The following NPSR1 variants were observed in gnomAD, a reference collection of about 807,000 sequenced individuals.
NPSR1 encodes the protein neuropeptide S receptor.
A neutral mutation model predicts 46.9 loss-of-function variants in NPSR1; 48 were observed. The observed-to-expected ratio is 1.02, with a 90% confidence interval of 0.81 to 1.30. The LOEUF is 1.30. Ranked by LOEUF, NPSR1 falls within the 50% of genes most tolerant of loss-of-function variation. The pLI is 0.00. For synonymous variants in NPSR1, 176 were observed against 168.1 expected (o/e 1.05, Z -0.36); for missense variants, 450 against 449.5 (o/e 1.00, Z -0.01).
Position 34,684,760 on chromosome 7 carries a change from TCA to T in NPSR1, c.280+77_280+78del, listed in dbSNP as rs1491481304. 20 of 1,133,432 alleles carry T rather than the reference TCA, an allele frequency of 1.8e-5. No individual in the cohort carries two copies. In the African/African-American group the frequency reaches 3.8e-4, roughly 21 times the overall value. The allele number at this position is 1,133,432 out of a possible 1,614,324, so 70.2% of individuals were successfully genotyped here. On this transcript the variant is annotated intron_variant, in intron 2 of 8. Coordinates refer to ENST00000360581, the MANE Select transcript of NPSR1 (RefSeq NM_207172.2). Reference sequence around the variant, plus strand: ...GGCTTCCTGCTTTTAATGAATTTTATCAAAAAAAAAAAAATGTAACGCATCGG... The same window carrying T: ...GGCTTCCTGCTTTTAATGAATTTTATAAAAAAAAAAAATGTAACGCATCGG...
At chr7:34,764,883 G>A (rs1280598222) in intron 2 of NPSR1, among the ~76,000 whole-genome samples, 6 of 152,156 alleles carry the variant, frequency 3.9e-5, no homozygotes, top group Non-Finnish European at 8.8e-5. Flanking sequence ...AGGCACACTG[G>A]CCTATATGGG....
chr7:34,773,872 G>A (rs767134511), intron 2 of NPSR1, among the ~76,000 whole-genome samples: 5 of 152,168 alleles, frequency 3.3e-5, no homozygotes, highest in Non-Finnish European at 5.9e-5. Flanking sequence ...TTGTGTACTT[G>A]ATGCTTTCCA....
intron 2 of NPSR1, among the ~76,000 whole-genome samples, chr7:34,707,010 G>T (rs1454092297): frequency 6.6e-6 from 1 of 151,882 alleles, no homozygotes; most frequent in Non-Finnish European, 1.5e-5. Context: ...AGAAAAAATG[G>T]CATTGTCCTA....
chr7:34,866,827 A>T (rs1247689043), intron 8 of NPSR1, among the ~76,000 whole-genome samples: 1 of 151,822 alleles, frequency 6.6e-6, no homozygotes, highest in Non-Finnish European at 1.5e-5. Context: ...TTAGAAAAAA[A>T]AGTTTCCTGC....
In NPSR1 at chr7:34,733,369, C is replaced by T. The variant is rs143939008; in HGVS notation, c.281-45093C>T. Among the ~76,000 whole-genome samples the T allele has an allele frequency of 2.0e-3, 291 of 147,504 alleles. 4 individuals are homozygous for T. The highest frequency in any genetic ancestry group is 4.8e-3 in the African/African-American group (192 of 39,846). On this transcript the variant is annotated intron_variant, in intron 2 of 8. Transcript: ENST00000360581. ...GGGAGGTGGAAGTTGCAGTGAGCCACGATCACGCCACTGCACTCCACCCTG... is the reference window on the plus strand; with the variant it reads ...GGGAGGTGGAAGTTGCAGTGAGCCATGATCACGCCACTGCACTCCACCCTG...
In NPSR1 at chr7:34,801,689, A is replaced by T. The variant is rs13308752; in HGVS notation, c.385-10081A>T. Among the ~76,000 whole-genome samples the T allele has an allele frequency of 6.3e-3, 932 of 146,920 alleles. 66 individuals carry two copies. The highest frequency in any genetic ancestry group is 0.024 in the African/African-American group (893 of 37,178). On this transcript the variant is annotated intron_variant, in intron 3 of 8. Transcript: ENST00000360581. The stretch of plus-strand genomic sequence containing the variant: ...AGGGATGCCCTCTCTCACCACTCCT[A>T]TTCAACATAGTGTTGGAAGTTCTGG...
intron 2 of NPSR1, among the ~76,000 whole-genome samples, chr7:34,715,097 G>A (rs1018930963): frequency 2.0e-5 from 3 of 152,232 alleles, no homozygotes; most frequent in African/African-American, 7.2e-5. Context: ...TGTCAGAGCA[G>A]GAATTCTGCA....
intron 2 of NPSR1, among the ~76,000 whole-genome samples, chr7:34,759,151 C>T (rs1002826403): frequency 6.6e-6 from 1 of 152,154 alleles, no homozygotes; most frequent in South Asian, 2.1e-4. Context: ...TGTAAAGATA[C>T]TATTTTTCCT....
At chr7:34,777,506 T>G (rs185793449) in intron 2 of NPSR1, among the ~76,000 whole-genome samples, 1 of 151,882 alleles carries the variant, frequency 6.6e-6, no homozygotes, top group African/African-American at 2.4e-5. Flanking sequence ...TTTCTACTTC[T>G]TCAGTGCCTC....
rs1289059317 is a variant in NPSR1 at position 34,849,714 on chromosome 7, C to T, written c.*59C>T. On this transcript the variant is annotated 3_prime_UTR_variant, in exon 9 of 9. Coordinates refer to ENST00000360581, the MANE Select transcript of NPSR1 (RefSeq NM_207172.2). The stretch of plus-strand genomic sequence containing the variant: ...CATCAGCTCTCCCAGGTCCTTGTCA[C>T]CTGCTTGGGCACGTGCATGGAACCC... 3.1e-6 allele frequency: 5 copies of T among 1,599,572 alleles called. No homozygotes were observed. Among genetic ancestry groups the T allele is most frequent in the South Asian group, 1.1e-5 (1 of 88,882 alleles).
At chr7:34,666,305 T>C (rs1786014978) in intron 1 of NPSR1, among the ~76,000 whole-genome samples, 1 of 152,204 alleles carries the variant, frequency 6.6e-6, no homozygotes, top group South Asian at 2.1e-4. Context: ...CAGGATGACA[T>C]TTGGTTGAAA....
intron 2 of NPSR1, among the ~76,000 whole-genome samples, chr7:34,723,935 A>ATTGTT (rs1353491891): frequency 1.3e-5 from 2 of 152,254 alleles, no homozygotes; most frequent in African/African-American, 4.8e-5. Context: ...CAATCACATG[A>ATTGTT]AGAAGCTAAC....
At chr7:34,865,965 C>T (rs2128768901) in intron 8 of NPSR1, among the ~76,000 whole-genome samples, 1 of 151,940 alleles carries the variant, frequency 6.6e-6, no homozygotes, top group Non-Finnish European at 1.5e-5. Flanking sequence ...CCAGAGTCCA[C>T]CTGCTTTACA....
At chr7:34,696,352 A>G (rs903489338) in intron 2 of NPSR1, among the ~76,000 whole-genome samples, 5 of 152,072 alleles carry the variant, frequency 3.3e-5, no homozygotes, top group Non-Finnish European at 5.9e-5. Flanking sequence ...AAAGTTACCT[A>G]TTGGTTACAG....
intron 3 of NPSR1, among the ~76,000 whole-genome samples, chr7:34,790,927 ATATGT>A (rs1306125202): frequency 1.5e-5 from 2 of 131,494 alleles, no homozygotes; most frequent in Non-Finnish European, 3.1e-5. Context: ...CATATATGTT[ATATGT>A]TATATTATAT....
intron 1 of NPSR1, among the ~76,000 whole-genome samples, chr7:34,672,249 G>T (rs955965569): frequency 6.6e-6 from 1 of 152,122 alleles, no homozygotes; most frequent in African/African-American, 2.4e-5. Flanking sequence ...AACATCTGTG[G>T]TTTGCTATAT....
intron 4 of NPSR1, among the ~76,000 whole-genome samples, chr7:34,823,399 G>GAAAAAGAAA (rs1554336128): frequency 2.9e-5 from 2 of 68,286 alleles, no homozygotes; most frequent in African/African-American, 1.0e-4. Context: ...GACTTCACCA[G>GAAAAAGAAA]AAAAAAAAAA....
rs938811993 is a variant in NPSR1 at position 34,844,906 on chromosome 7, G to C, written c.768G>C (p.Leu256=). The change falls in exon 7 of 9, where the codon CTG becomes CTC. Residue 256 remains leucine, a synonymous_variant. Transcript: ENST00000360581. ...TVISNCSDGK[L]CSSYNRGLIS... is the part of the protein sequence containing the mutation. ...CTCTTGTATCTACAGATGGGAAACT[G>C]TGCAGCAGCTATAACCGAGGACTCA... 1.9e-6 allele frequency: 3 copies of C among 1,606,192 alleles called. No homozygotes were observed. In the African/African-American group the frequency reaches 4.0e-5, roughly 21 times the overall value.
intron 4 of NPSR1, among the ~76,000 whole-genome samples, chr7:34,814,971 G>A (rs200083920): frequency 3.9e-5 from 6 of 152,116 alleles, no homozygotes; most frequent in Non-Finnish European, 7.4e-5. Flanking sequence ...AAACCAGAGC[G>A]GAAAAGCTGA....
Sources: allele counts gnomAD v4.1 joint callset (sites outside exome capture counted in the v4.1 genomes callset), GRCh38; gene constraint gnomAD v4.1.1; transcripts MANE v1.5; gene names NCBI Gene and HGNC (gene_info 2026-07-23, HGNC 2026-07-21).